DENND4A: variants seen among roughly 807,000 people sequenced by gnomAD.
DENND4A encodes the protein C-myc promoter-binding protein.
In DENND4A, 70 loss-of-function variants were observed where a neutral mutation model predicts 199.3. The ratio of observed to expected loss-of-function variants is 0.35; its 90% CI spans 0.29 to 0.43. DENND4A has a LOEUF of 0.43. Ranked by LOEUF, DENND4A falls within the 20% of genes least tolerant of loss-of-function variation. The probability of loss-of-function intolerance (pLI) is 1.00; values close to 1 mark genes in which losing one functional copy is unlikely to be tolerated. For synonymous variants in DENND4A, 686 were observed against 766.9 expected, an observed-to-expected ratio of 0.89 and a Z score of 1.74; for missense variants, 1,723 against 2,255.8, an observed-to-expected ratio of 0.76 and a Z score of 4.78.
chr15:65,738,982 G>T, intron 5 of DENND4A, 107 bp from the exon 6 acceptor site: 2 of 804,680 alleles, frequency 2.5e-6, no homozygotes, highest in Non-Finnish European at 3.7e-6. Flanking sequence ...GAATGCCAAA[G>T]CATTATATAT....
At chr15:65,663,460 T>C (rs2075938779) in intron 32 of DENND4A, among the ~76,000 whole-genome samples, 1 of 152,020 alleles carries the variant, frequency 6.6e-6, no homozygotes, top group Non-Finnish European at 1.5e-5. Flanking sequence ...CTGCCCGCCT[T>C]GGCCTCCTAC....
intron 22 of DENND4A, among the ~76,000 whole-genome samples, chr15:65,694,285 C>T (rs994896011): frequency 6.6e-6 from 1 of 152,070 alleles, no homozygotes; most frequent in African/African-American, 2.4e-5. Context: ...TCCGTCTCTA[C>T]TAAAAATACA....
chr15:65,686,698 C>T (rs1426313273), intron 23 of DENND4A, among the ~76,000 whole-genome samples: 1 of 152,028 alleles, frequency 6.6e-6, no homozygotes, highest in Non-Finnish European at 1.5e-5. Flanking sequence ...CCATAACATC[C>T]AACTCCTCAT....
chr15:65,729,701 A>G (rs2075902788), intron 9 of DENND4A, 23 bp from the exon 10 acceptor site: 1 of 1,536,398 alleles, frequency 6.5e-7, no homozygotes, highest in Non-Finnish European at 8.8e-7. Context: ...ACAAAAATAT[A>G]TAATTAAAAA....
At chr15:65,790,551 T>C (rs963268981) in intron 1 of DENND4A, among the ~76,000 whole-genome samples, 1 of 152,150 alleles carries the variant, frequency 6.6e-6, no homozygotes, top group Non-Finnish European at 1.5e-5. Flanking sequence ...AAGAAAATTA[T>C]GTAACATATT....
chr15:65,682,688 T>A (rs950116472), intron 23 of DENND4A, among the ~76,000 whole-genome samples: 3 of 152,234 alleles, frequency 2.0e-5, no homozygotes, highest in Non-Finnish European at 4.4e-5. Flanking sequence ...CTTTCTTGGC[T>A]TTTGACATAC....
intron 1 of DENND4A, among the ~76,000 whole-genome samples, chr15:65,787,759 A>G (rs1313632088): frequency 6.6e-6 from 1 of 152,240 alleles, no homozygotes; most frequent in East Asian, 1.9e-4. Flanking sequence ...AGCAGAGTAC[A>G]CAATATGTAC....
At chr15:65,695,948 T>G (rs1290294078) in intron 22 of DENND4A, among the ~76,000 whole-genome samples, 1 of 151,990 alleles carries the variant, frequency 6.6e-6, no homozygotes, top group Non-Finnish European at 1.5e-5. Context: ...AAAAGAAAAA[T>G]TATTGGGTAT....
intron 23 of DENND4A, among the ~76,000 whole-genome samples, chr15:65,685,074 G>A (rs1049248971): frequency 2.0e-5 from 3 of 151,282 alleles, no homozygotes; most frequent in Admixed American, 2.0e-4. Flanking sequence ...GGATCTGCCC[G>A]CCTCAGCCTC....
At chr15:65,775,738 A>G (rs1489973673) in intron 1 of DENND4A, among the ~76,000 whole-genome samples, 1 of 152,068 alleles carries the variant, frequency 6.6e-6, no homozygotes, top group Non-Finnish European at 1.5e-5. Context: ...AAAATTATAT[A>G]ACAAAAAGTG....
Position 65,731,593 on chromosome 15 carries a change from T to C in DENND4A, c.1166+49A>G, listed in dbSNP as rs374245450. On this transcript the variant is annotated intron_variant, in intron 9 of 32. Coordinates refer to ENST00000443035, the MANE Select transcript of DENND4A (RefSeq NM_001320835.1). Reference sequence around the variant, plus strand: ...AGCTAGGAAAAATAAAATATTTGAATGTTATGCTAGATTGAGAGAAAAATA... The same window carrying C: ...AGCTAGGAAAAATAAAATATTTGAACGTTATGCTAGATTGAGAGAAAAATA... The C allele has an allele frequency of 3.8e-6, 5 of 1,324,160 alleles. No individual in the cohort carries two copies. In the East Asian group the frequency reaches 1.0e-4, roughly 27 times the overall value. The allele number at this position is 1,324,160 out of a possible 1,614,324, so 82.0% of individuals were successfully genotyped here.
At chr15:65,680,653 C>T (rs1411093092) in intron 23 of DENND4A, 9 of 151,854 alleles carry the variant, frequency 5.9e-5, no homozygotes. Flanking sequence ...CAACAATAAC[C>T]ATTTATTTAG....
At chr15:65,734,707 A>C (rs1006726003) in intron 7 of DENND4A, among the ~76,000 whole-genome samples, 1 of 152,194 alleles carries the variant, frequency 6.6e-6, no homozygotes, top group Non-Finnish European at 1.5e-5. Context: ...AAGTAGTTAG[A>C]ACAGAAGAAA....
chr15:65,746,369 C>CTTTTTT lies in DENND4A; in HGVS notation c.562-4591_562-4586dup, dbSNP rs573935476. ...CTTGTTAACAATTCTACTTTTTTCTCTTTTTTTTTTTTTTTTTTTTTTTTT... is the reference window on the plus strand; with the variant it reads ...CTTGTTAACAATTCTACTTTTTTCTCTTTTTTTTTTTTTTTTTTTTTTTTTTTTTTT... On this transcript the variant is annotated intron_variant, in intron 4 of 32. Transcript: ENST00000443035. 7.4e-3 allele frequency among the ~76,000 whole-genome samples: 381 copies of CTTTTTT among 51,346 alleles called. 12 individuals are homozygous for CTTTTTT. Among genetic ancestry groups the CTTTTTT allele is most frequent in the Non-Finnish European group, 9.6e-3 (265 of 27,614 alleles). 33.7% of individuals were successfully genotyped at this position (51,346 alleles called of 152,430 possible). A position where few individuals can be genotyped will look rare whatever the true frequency, so the allele number is the denominator to read the frequency against.
chr15:65,721,455 A>G (rs1164115113), intron 12 of DENND4A, among the ~76,000 whole-genome samples: 1 of 152,144 alleles, frequency 6.6e-6, no homozygotes, highest in Non-Finnish European at 1.5e-5. Context: ...TGTGTATTAC[A>G]TAAATGGGTC....
chr15:65,700,809 A>C, intron 19 of DENND4A, 134 bp from the exon 20 acceptor site: 1 of 1,018,292 alleles, frequency 9.8e-7, no homozygotes, highest in Non-Finnish European at 1.4e-6. Flanking sequence ...TACAACTATA[A>C]CAAAGAAACC....
rs1048088567 is a variant in DENND4A, at chr15:65,748,275, C to T, written c.561+4104G>A. 5.8e-3 allele frequency among the ~76,000 whole-genome samples: 882 copies of T among 151,436 alleles called. 9 individuals carry two copies. The highest frequency in any genetic ancestry group is 0.021 in the African/African-American group (848 of 41,290). On this transcript the variant is annotated intron_variant, in intron 4 of 32. Coordinates refer to ENST00000443035, the MANE Select transcript of DENND4A (RefSeq NM_001320835.1). ...TTTGAGGAAAAATTTAAAAATTAAACAAAATCCACGCAAGATAGGGTGAGA... is the reference window on the plus strand; with the variant it reads ...TTTGAGGAAAAATTTAAAAATTAAATAAAATCCACGCAAGATAGGGTGAGA...
At chr15:65,776,999 C>A (rs1389861660) in intron 1 of DENND4A, among the ~76,000 whole-genome samples, 1 of 152,092 alleles carries the variant, frequency 6.6e-6, no homozygotes, top group East Asian at 1.9e-4. Context: ...GAAACCCCAT[C>A]TCTACTAAAA....
chr15:65,694,275 T>C (rs552691927), intron 22 of DENND4A, among the ~76,000 whole-genome samples: 1 of 152,064 alleles, frequency 6.6e-6, no homozygotes, highest in African/African-American at 2.4e-5. Context: ...ATGGTGAAAC[T>C]CCGTCTCTAC....
Sources: allele counts gnomAD v4.1 joint callset (sites outside exome capture counted in the v4.1 genomes callset), GRCh38; gene constraint gnomAD v4.1.1; transcripts MANE v1.5; gene names NCBI Gene and HGNC (gene_info 2026-07-23, HGNC 2026-07-21).